Variants in NRG1 observed in about 807,000 individuals in gnomAD.
NRG1 encodes pro-neuregulin-1, membrane-bound isoform.
In NRG1, 18 loss-of-function variants were observed where a neutral mutation model predicts 63.8. That is an observed-to-expected ratio of 0.28 (90% CI 0.19 to 0.42). The LOEUF (loss-of-function observed/expected upper bound fraction) is 0.42. NRG1 is among the 10% of genes least tolerant of loss of function. NRG1 has a pLI of 1.00. For synonymous variants in NRG1, 302 were observed against 301.3 expected, an observed-to-expected ratio of 1.00 and a Z score of -0.02; for missense variants, 762 against 814.7, an observed-to-expected ratio of 0.94 and a Z score of 0.79.
chr8:31,839,304 G>A, intron 1 of NRG1, among the ~76,000 whole-genome samples: 1 of 152,102 alleles, frequency 6.6e-6, no homozygotes, highest in South Asian at 2.1e-4. Context: ...TTTTCCTTAA[G>A]TCAGAGCAAA....
chr8:32,206,861 G>T (rs139712045), intron 1 of NRG1, among the ~76,000 whole-genome samples: 1 of 152,116 alleles, frequency 6.6e-6, no homozygotes, highest in South Asian at 2.1e-4. Context: ...TTATTTAGCA[G>T]CCACTTATAA....
intron 1 of NRG1, among the ~76,000 whole-genome samples, chr8:31,766,684 G>A (rs1377964186): frequency 3.3e-5 from 5 of 152,070 alleles, no homozygotes; most frequent in South Asian, 2.1e-4. Context: ...TGGGAAACAC[G>A]AACACTATAC....
At chr8:31,927,608 C>T (rs1834482073) in intron 1 of NRG1, among the ~76,000 whole-genome samples, 1 of 149,882 alleles carries the variant, frequency 6.7e-6, no homozygotes, top group Non-Finnish European at 1.5e-5. Flanking sequence ...GCCACTACGC[C>T]CGGCTAATTT....
chr8:32,490,218 T>G (rs192872874), intron 1 of NRG1, among the ~76,000 whole-genome samples: 8 of 152,122 alleles, frequency 5.3e-5, no homozygotes, highest in Non-Finnish European at 7.4e-5. Flanking sequence ...GGTAGGAGGA[T>G]TGCTTGAACC....
chr8:32,345,980 T>A (rs1804838916), intron 1 of NRG1, among the ~76,000 whole-genome samples: 3 of 151,382 alleles, frequency 2.0e-5, no homozygotes, highest in Admixed American at 1.3e-4. Flanking sequence ...TGTACTCCAG[T>A]CTGGGTGACA....
intron 1 of NRG1, among the ~76,000 whole-genome samples, chr8:31,760,298 A>G (rs1016488146): frequency 3.3e-5 from 5 of 152,132 alleles, no homozygotes; most frequent in Admixed American, 2.0e-4. Flanking sequence ...ACCATTTGTT[A>G]AATAGGGAAT....
intron 5 of NRG1, among the ~76,000 whole-genome samples, chr8:32,662,187 A>T (rs1803031090): frequency 6.6e-6 from 1 of 152,214 alleles, no homozygotes; most frequent in Admixed American, 6.5e-5. Context: ...AGAAATACAT[A>T]AACAGAATGG....
chr8:32,511,924 G>A (rs1829268675), intron 1 of NRG1, among the ~76,000 whole-genome samples: 1 of 152,188 alleles, frequency 6.6e-6, no homozygotes, highest in Non-Finnish European at 1.5e-5. Flanking sequence ...GGCAGAGCCA[G>A]GACCAGTGGG....
At chr8:32,296,973 G>A (rs953050210) in intron 1 of NRG1, among the ~76,000 whole-genome samples, 1 of 151,928 alleles carries the variant, frequency 6.6e-6, no homozygotes, top group Non-Finnish European at 1.5e-5. Flanking sequence ...AAATTAGCTG[G>A]GCGTGGTGGC....
At chr8:31,751,998 T>C (rs1293977974) in intron 1 of NRG1, among the ~76,000 whole-genome samples, 3 of 151,908 alleles carry the variant, frequency 2.0e-5, no homozygotes, top group Non-Finnish European at 4.4e-5. Flanking sequence ...CTGTGACTCA[T>C]GTAAAAGAAA....
At position 32,358,429 on chromosome 8, in the gene NRG1, A is replaced by T. The variant is rs2129480835; in HGVS notation, c.38-237399A>T. ...TTCTCCTCTCTGTTATGATAGGGAG[A>T]GGTCAGAGATGCTGTCCCTGAAGAA... is the stretch of plus-strand genomic sequence containing the variant. On this transcript the variant is annotated intron_variant, in intron 1 of 10. Coordinates refer to the NRG1 transcript ENST00000519301. Among the ~76,000 whole-genome samples the T allele has an allele frequency of 4.7e-5, 7 of 150,256 alleles. 3 individuals are homozygous for T. The South Asian group carries it at 1.5e-3, about 32-fold the overall frequency.
intron 1 of NRG1, among the ~76,000 whole-genome samples, chr8:31,980,578 T>A (rs999833634): frequency 2.0e-5 from 3 of 152,040 alleles, no homozygotes; most frequent in African/African-American, 7.2e-5. Context: ...ATTGGGTATT[T>A]GTTGTTTGCA....
intron 1 of NRG1, among the ~76,000 whole-genome samples, chr8:31,788,056 G>T (rs182589614): frequency 1.3e-5 from 2 of 152,214 alleles, no homozygotes; most frequent in Admixed American, 6.5e-5. Flanking sequence ...AAGTTACATA[G>T]CTAGAAATTA....
intron 1 of NRG1, among the ~76,000 whole-genome samples, chr8:32,272,601 C>G (rs1851661446): frequency 6.6e-6 from 1 of 152,094 alleles, no homozygotes; most frequent in Non-Finnish European, 1.5e-5. Context: ...TGAGAGGACA[C>G]TGAGTTTAGA....
At chr8:31,827,881 A>ATAATTTAAAT (rs1369671686) in intron 1 of NRG1, among the ~76,000 whole-genome samples, 2 of 152,214 alleles carry the variant, frequency 1.3e-5, no homozygotes, top group Non-Finnish European at 2.9e-5. Context: ...TAGCATAATA[A>ATAATTTAAAT]AGATCTGGCC....
At chr8:31,930,862 C>T (rs1472592261) in intron 1 of NRG1, among the ~76,000 whole-genome samples, 1 of 152,098 alleles carries the variant, frequency 6.6e-6, no homozygotes, top group African/African-American at 2.4e-5. Flanking sequence ...TGCTCTTTTC[C>T]AAATGTTCTT....
chr8:31,915,709 A>G (rs929145487), intron 1 of NRG1, among the ~76,000 whole-genome samples: 3 of 152,160 alleles, frequency 2.0e-5, no homozygotes, highest in African/African-American at 7.2e-5. Flanking sequence ...TTCCTAATCC[A>G]AAGAGGCCAT....
intron 1 of NRG1, among the ~76,000 whole-genome samples, chr8:32,287,749 C>A (rs1340382889): frequency 2.0e-5 from 3 of 152,150 alleles, no homozygotes; most frequent in Non-Finnish European, 2.9e-5. Flanking sequence ...ATACAATCCA[C>A]CGTACTACCA....
At chr8:32,263,917 C>T (rs2129471843) in intron 1 of NRG1, among the ~76,000 whole-genome samples, 1 of 152,242 alleles carries the variant, frequency 6.6e-6, no homozygotes, top group East Asian at 1.9e-4. Flanking sequence ...ACGGGGAGAG[C>T]TGAGGGTATT....
Sources: gnomAD v4.1 joint callset for allele counts (sites outside exome capture counted in the v4.1 genomes callset) on GRCh38, gnomAD v4.1.1 for gene constraint, MANE v1.5 for transcripts, NCBI Gene and HGNC (gene_info 2026-07-23, HGNC 2026-07-21) for gene names.